The following SLC5A12 variants were observed in gnomAD, a reference collection of about 807,000 sequenced individuals.
SLC5A12 encodes the protein sodium-coupled monocarboxylate transporter 2.
SLC5A12 carries 46 observed loss-of-function variants against 72.7 expected under a neutral mutation model. That is an observed-to-expected ratio of 0.63 (90% CI 0.50 to 0.81). The LOEUF is 0.81. Among genes scored for constraint, SLC5A12 ranks in the 30% least tolerant of loss-of-function variants. The pLI is 0.00. For synonymous variants in SLC5A12, 275 were observed against 264.4 expected, an observed-to-expected ratio of 1.04 and a Z score of -0.39; for missense variants, 683 against 740.7, an observed-to-expected ratio of 0.92 and a Z score of 0.90.
At chr11:26,720,349 A>ATAAATAAG (rs754461608) in intron 1 of SLC5A12, among the ~76,000 whole-genome samples, 4 of 150,754 alleles carry the variant, frequency 2.7e-5, no homozygotes, top group African/African-American at 9.7e-5. Context: ...AAATAAATAA[A>ATAAATAAG]TAAGTAAATA....
intron 8 of SLC5A12, among the ~76,000 whole-genome samples, chr11:26,695,560 A>G (rs921857835): frequency 1.3e-5 from 2 of 152,200 alleles, no homozygotes; most frequent in African/African-American, 4.8e-5. Flanking sequence ...ACATTAATAT[A>G]AATTAAAATC....
Position 26,712,678 on chromosome 11 carries a change from A to G in SLC5A12, c.368T>C (p.Val123Ala). ...GTAGATGACCGTGGCAGCATAGCGA[A>G]CTGGTTTGTTGAATCGTAGTTGTAA... ...EYLQLRFNKP[V>A]RYAATVIYIV... The change falls in exon 2 of 15, where the codon GTT (valine) becomes GCT (alanine). Residue 123 changes from valine to alanine, a missense_variant. Physicochemically the swap from Val to Ala is moderately conservative, Grantham distance 64 (BLOSUM62 0). Transcript: ENST00000396005. 6.3e-7 allele frequency: 1 copy of G among 1,590,982 alleles called. No homozygotes were observed. The highest frequency in any genetic ancestry group is 8.6e-7 in the Non-Finnish European group (1 of 1,162,928).
At chr11:26,704,359 G>A (rs1276800187) in intron 4 of SLC5A12, among the ~76,000 whole-genome samples, 1 of 152,162 alleles carries the variant, frequency 6.6e-6, no homozygotes, top group African/African-American at 2.4e-5. Context: ...GCGGGAACCA[G>A]CATGTGTGAA....
intron 6 of SLC5A12, among the ~76,000 whole-genome samples, chr11:26,701,269 G>A (rs1854951901): frequency 6.6e-6 from 1 of 152,020 alleles, no homozygotes; most frequent in Non-Finnish European, 1.5e-5. Flanking sequence ...ATTCTCTCAG[G>A]GAACCCTTTT....
At chr11:26,719,814 T>C (rs370669552) in intron 1 of SLC5A12, among the ~76,000 whole-genome samples, 3 of 152,334 alleles carry the variant, frequency 2.0e-5, no homozygotes, top group East Asian at 3.9e-4. Context: ...CCTATTTACT[T>C]TACTTTTTCT....
chr11:26,713,840 C>G (rs1390565169), intron 1 of SLC5A12, among the ~76,000 whole-genome samples: 2 of 152,102 alleles, frequency 1.3e-5, no homozygotes, highest in Non-Finnish European at 2.9e-5. Flanking sequence ...CAGGAGGCTC[C>G]TACACGAGGC....
intron 10 of SLC5A12, among the ~76,000 whole-genome samples, chr11:26,685,623 C>A (rs28575825): frequency 0.38 from 56,921 of 149,574 alleles, 12,436 homozygotes; most frequent in Middle Eastern, 0.52. Context: ...AACAAACAAA[C>A]AAAAAAACAA....
At chr11:26,717,899 T>C (rs904708620) in intron 1 of SLC5A12, among the ~76,000 whole-genome samples, 2 of 152,116 alleles carry the variant, frequency 1.3e-5, no homozygotes, top group Non-Finnish European at 2.9e-5. Context: ...TATGCCACCT[T>C]CCTTACATAG....
At chr11:26,714,945 G>T (rs187763981) in intron 1 of SLC5A12, among the ~76,000 whole-genome samples, 67 of 152,240 alleles carry the variant, frequency 4.4e-4, no homozygotes, top group African/African-American at 1.5e-3. Flanking sequence ...GTGAATGAGG[G>T]CATCAGACAT....
intron 1 of SLC5A12, among the ~76,000 whole-genome samples, chr11:26,713,590 G>A (rs2133216135): frequency 6.6e-6 from 1 of 152,202 alleles, no homozygotes; most frequent in South Asian, 2.1e-4. Context: ...TCCTGGCTCT[G>A]CTCATATTTC....
intron 13 of SLC5A12, among the ~76,000 whole-genome samples, chr11:26,677,161 A>G (rs1000530291): frequency 6.6e-6 from 1 of 151,882 alleles, no homozygotes; most frequent in African/African-American, 2.4e-5. Flanking sequence ...CATGTTCAAA[A>G]ATTTTTCCAA....
rs1256190333 is a variant in SLC5A12, at chr11:26,670,102, A to C, written c.*1000T>G. ...CTAGACACGAACTATGAAGTTCTCC[A>C]CTTCTGTTACCTAACCCAGGTGGAG... On this transcript the variant is annotated 3_prime_UTR_variant, in exon 15 of 15. Transcript: ENST00000396005. The C allele has an allele frequency of 6.6e-6, 1 of 152,076 alleles. No individual in the cohort carries two copies. The highest frequency in any genetic ancestry group is 6.6e-5 in the Admixed American group (1 of 15,234). The allele number at this position is 152,076 out of a possible 1,614,324, so 9.4% of individuals were successfully genotyped here.
Position 26,669,191 on chromosome 11 carries a change from C to CT in SLC5A12, c.*1910dup, listed in dbSNP as rs10655620. ...TTTTTCTTTCTTTCTTTCTTCTTTT[C>CT]TTTCTTTCTTTCTTTCTTTCTTTCT... On this transcript the variant is annotated 3_prime_UTR_variant, in exon 15 of 15. Coordinates refer to ENST00000396005, the MANE Select transcript of SLC5A12 (RefSeq NM_178498.4). 2.3e-3 allele frequency: 99 copies of CT among 43,906 alleles called. No homozygotes were observed. Among genetic ancestry groups the CT allele is most frequent in the African/African-American group, 5.4e-3 (98 of 18,180 alleles). The allele number at this position is 43,906 out of a possible 1,614,324, so 2.7% of individuals were successfully genotyped here. A position where few individuals can be genotyped will look rare whatever the true frequency, so the allele number is the denominator to read the frequency against.
intron 11 of SLC5A12, among the ~76,000 whole-genome samples, chr11:26,682,610 TA>T (rs1184233411): frequency 3.3e-5 from 5 of 152,118 alleles, no homozygotes; most frequent in Admixed American, 3.3e-4. Context: ...TGGTGCAGGG[TA>T]AATGAGGGCC....
In SLC5A12 at chr11:26,703,583, G is replaced by C. The variant is rs1855013949; in HGVS notation, c.769C>G (p.Gln257Glu). The C allele has an allele frequency of 6.2e-7, 1 of 1,613,822 alleles. No individual in the cohort carries two copies. Residue 257 changes from glutamine to glutamate, a missense_variant, in exon 6 of 15, where the codon CAA becomes GAA. Physicochemically the swap from Gln to Glu is conservative, Grantham distance 29 (BLOSUM62 2). Transcript: ENST00000396005. Reference protein sequence around the residue: ...FTWLGIYGVNQSTIQRCISCK... With the variant: ...FTWLGIYGVNESTIQRCISCK... The stretch of plus-strand genomic sequence containing the variant: ...GAGATGCATCGCTGAATAGTTGATT[G>C]ATTGACCCCATAGATTCCGAGCCAA...
In SLC5A12 at chr11:26,712,641, C is replaced by A; in HGVS notation, c.405G>T (p.Thr135=). The A allele has an allele frequency of 6.5e-7, 1 of 1,545,666 alleles. No homozygotes were observed. Among genetic ancestry groups the A allele is most frequent in the Non-Finnish European group, 8.8e-7 (1 of 1,132,064 alleles). ...YAATVIYIVQ[T]ILYTGVVVYA... ...ATCTGCAGCAGCCATGACCACTTAC[C>A]GTCTGTACAATGTAGATGACCGTGG... is the stretch of plus-strand genomic sequence containing the variant. Residue 135 remains threonine, a splice_region_variant and synonymous_variant, in exon 2 of 15, where the codon ACG becomes ACT. Transcript: ENST00000396005.
At chr11:26,686,303 C>CTTCT (rs1554991192) in intron 10 of SLC5A12, among the ~76,000 whole-genome samples, 174 bp downstream of exon 10, 1 of 151,630 alleles carries the variant, frequency 6.6e-6, no homozygotes, top group Admixed American at 6.6e-5. Flanking sequence ...AAGATAAGTT[C>CTTCT]TTTTTTTGTG....
intron 6 of SLC5A12, among the ~76,000 whole-genome samples, chr11:26,699,078 A>G (rs1422186901): frequency 2.6e-5 from 4 of 152,196 alleles, no homozygotes; most frequent in Non-Finnish European, 5.9e-5. Context: ...TCTTACCCAT[A>G]CTATGTGGTG....
In SLC5A12 at chr11:26,703,872, T is replaced by C; in HGVS notation, c.601A>G (p.Ile201Val). The stretch of plus-strand genomic sequence containing the variant: ...CCCCCAGCATGAGTTGATCCTTGAA[T>C]GAGAACCGTTAAGAAGCCCACAATC... ...VMIVGFLTVL[I>V]QGSTHAGGFH... Residue 201 changes from isoleucine to valine, a missense_variant, in exon 5 of 15, where the codon ATT becomes GTT. Physicochemically the swap from Ile to Val is conservative, Grantham distance 29. Transcript: ENST00000396005. 1.1e-5 allele frequency: 18 copies of C among 1,613,892 alleles called. No homozygotes were observed. Among genetic ancestry groups the C allele is most frequent in the Non-Finnish European group, 1.5e-5 (18 of 1,179,820 alleles).
Sources: allele counts gnomAD v4.1 joint callset (sites outside exome capture counted in the v4.1 genomes callset), GRCh38; gene constraint gnomAD v4.1.1; transcripts MANE v1.5; gene names NCBI Gene and HGNC (gene_info 2026-07-23, HGNC 2026-07-21).